NFKBIZ: variants seen among roughly 807,000 people sequenced by gnomAD.
NFKBIZ encodes the protein NF-kappa-B inhibitor zeta.
NFKBIZ carries 19 observed loss-of-function variants against 76.8 expected under a neutral mutation model. The observed-to-expected ratio is 0.25, with a 90% CI of 0.17 to 0.36. The LOEUF is 0.36. Ranked by LOEUF, NFKBIZ falls within the 10% of genes least tolerant of loss-of-function variation. NFKBIZ has a pLI of 1.00. For missense variants in NFKBIZ, 829 were observed against 910.9 expected, an observed-to-expected ratio of 0.91 and a Z score of 1.16; for synonymous variants, 368 against 354.8, an observed-to-expected ratio of 1.04 and a Z score of -0.42.
intron 2 of NFKBIZ, among the ~76,000 whole-genome samples, chr3:101,843,848 C>A (rs1942817545): frequency 6.6e-6 from 1 of 152,196 alleles, no homozygotes; most frequent in Non-Finnish European, 1.5e-5. Context: ...AAAAAAATCA[C>A]ATTTGTTAAT....
intron 2 of NFKBIZ, among the ~76,000 whole-genome samples, chr3:101,835,598 C>T (rs138495270): frequency 1.3e-5 from 2 of 152,282 alleles, no homozygotes; most frequent in Non-Finnish European, 2.9e-5. Flanking sequence ...GTGGCGTTTT[C>T]TCTGTGCATG....
At chr3:101,853,889 T>C in intron 5 of NFKBIZ, 26 bp downstream of exon 5, 1 of 1,596,444 alleles carries the variant, frequency 6.3e-7, no homozygotes, top group African/African-American at 1.3e-5. Context: ...TCTCATGTTC[T>C]TAATTAGGTA....
chr3:101,849,233 GGCGGGA>G (rs1942901814), upstream of NFKBIZ: 1 of 159,600 alleles, frequency 6.3e-6, no homozygotes, highest in Non-Finnish European at 1.4e-5. Context: ...GGAGGCGGGA[GGCGGGA>G]GGCGGGAAGC....
At chr3:101,855,507 TA>T in intron 8 of NFKBIZ, 49 bp downstream of exon 8, 1 of 1,531,872 alleles carries the variant, frequency 6.5e-7, no homozygotes, top group Non-Finnish European at 9.1e-7. Flanking sequence ...GGGGGAACCA[TA>T]AGGTCTAAGG....
intron 2 of NFKBIZ, among the ~76,000 whole-genome samples, chr3:101,836,654 G>T (rs1942724689): frequency 6.6e-6 from 1 of 152,138 alleles, no homozygotes; most frequent in Non-Finnish European, 1.5e-5. Context: ...TAGATTGCTG[G>T]ATATTTCCCT....
chr3:101,845,325 GCT>G (rs1036198430), upstream of NFKBIZ, among the ~76,000 whole-genome samples: 4 of 135,960 alleles, frequency 2.9e-5, no homozygotes, highest in South Asian at 7.2e-4. Flanking sequence ...ACAAGGTCTT[GCT>G]CTGTCACCCA....
rs746465069 is a variant in NFKBIZ at position 101,852,930 on chromosome 3, G to A, written c.505G>A (p.Asp169Asn). The A allele has an allele frequency of 8.7e-6, 14 of 1,614,056 alleles. No individual in the cohort carries two copies. Among genetic ancestry groups the A allele is most frequent in the Admixed American group, 3.3e-5 (2 of 60,014 alleles). ...VSYSGKRKGP[D>N]SLSDGPACKR... is the part of the protein sequence containing the mutation. ...ATACAGTGGGAAAAGGAAAGGGCCC[G>A]ATTCGTTGTCTGATGGACCTGCTTG... The change falls in exon 4 of 12, where the codon GAT becomes AAT. Residue 169 changes from aspartate (D) to asparagine (N), a missense_variant. Asp to Asn is a conservative substitution (Grantham distance 23). Transcript: ENST00000326172.
At chr3:101,854,777 G>C (rs1419445652) in intron 6 of NFKBIZ, 94 bp downstream of exon 6, 1 of 822,132 alleles carries the variant, frequency 1.2e-6, no homozygotes, top group Non-Finnish European at 1.9e-6. Flanking sequence ...TAGAGCTCAA[G>C]ATCAAGAGAG....
At chr3:101,848,744 T>C (rs1224122737), upstream of NFKBIZ, 5 of 152,228 alleles carry the variant, frequency 3.3e-5, no homozygotes, top group African/African-American at 1.2e-4. Flanking sequence ...CCTACATGTT[T>C]GTGTATTATT....
rs374702097 is a variant in NFKBIZ, at chr3:101,853,552, C to T, written c.1026C>T (p.Ser342=). The change falls in exon 5 of 12, where the codon TCC becomes TCT. Residue 342 remains serine, a synonymous_variant. Transcript: ENST00000326172. The stretch of plus-strand genomic sequence containing the variant: ...TTTGCCCAAACCAAAGCTTAGTTTC[C>T]CTTCTTGGTGATCAAAGGGAATCTG... ...SQFCPNQSLV[S]LLGDQRESEN... The T allele has an allele frequency of 1.6e-5, 26 of 1,614,092 alleles. No homozygotes were observed. The highest frequency in any genetic ancestry group is 2.0e-5 in the Non-Finnish European group (24 of 1,180,044).
Position 101,860,965 on chromosome 3 carries a change from G to A in NFKBIZ, c.*1594G>A, listed in dbSNP as rs113339256. The A allele has an allele frequency of 2.0e-5, 3 of 152,102 alleles. No individual in the cohort carries two copies. Among genetic ancestry groups the A allele is most frequent in the Non-Finnish European group, 1.5e-5 (1 of 68,018 alleles). The allele number at this position is 152,102 out of a possible 1,614,324, so 9.4% of individuals were successfully genotyped here. A position where few individuals can be genotyped will look rare whatever the true frequency, so the allele number is the denominator to read the frequency against. On this transcript the variant is annotated 3_prime_UTR_variant, in exon 12 of 12. Coordinates refer to ENST00000326172, the MANE Select transcript of NFKBIZ (RefSeq NM_031419.4). ...TGTATCTCTAAATATGGTGTGATAT[G>A]AACCAGTCCATTCACATTGGAAAAA... is the stretch of plus-strand genomic sequence containing the variant.
In NFKBIZ at chr3:101,852,180, A is replaced by C; in HGVS notation, c.385A>C (p.Ser129Arg). Residue 129 changes from serine to arginine, a missense_variant, in exon 2 of 12, where the codon AGT (serine) becomes CGT (arginine). This residue lies in a region of NFKBIZ where 371 missense variants were observed against 332.3 expected (regional missense o/e 1.12). Coordinates refer to ENST00000326172, the MANE Select transcript of NFKBIZ (RefSeq NM_031419.4). ...GAAGGAACTCCTGTTGCACATCCGA[A>C]GTCATAAACAGAAGGCTTCTGGCCA... ...SVKELLLHIRSHKQKASGQAV... is the reference protein window; with the variant it reads ...SVKELLLHIRRHKQKASGQAV... 1 of 1,614,212 alleles carries C rather than the reference A, an allele frequency of 6.2e-7. No homozygotes were observed. Among genetic ancestry groups the C allele is most frequent in the Non-Finnish European group, 8.5e-7 (1 of 1,180,034 alleles).
At chr3:101,856,112 G>A (rs1263428057) in intron 9 of NFKBIZ, 7 of 325,772 alleles carry the variant, frequency 2.1e-5, no homozygotes, top group African/African-American at 1.3e-4. Context: ...ATGCAGTGGT[G>A]CGATCTTGGC....
chr3:101,849,943 G>A, intron 1 of NFKBIZ, 26 bp downstream of exon 1: 1 of 1,364,610 alleles, frequency 7.3e-7, no homozygotes, highest in Non-Finnish European at 9.4e-7. Context: ...GCACCGCTGC[G>A]TACTCGGGGC....
At chr3:101,831,888 C>A (rs954307710) in intron 2 of NFKBIZ, among the ~76,000 whole-genome samples, 1 of 152,088 alleles carries the variant, frequency 6.6e-6, no homozygotes, top group African/African-American at 2.4e-5. Context: ...GATCCATCTG[C>A]CTCAGCCTCC....
chr3:101,829,879 T>TA (rs368763761), intron 2 of NFKBIZ, among the ~76,000 whole-genome samples: 1 of 150,284 alleles, frequency 6.7e-6, no homozygotes, highest in African/African-American at 2.4e-5. Flanking sequence ...CTAAGATTTT[T>TA]TGTGTGTGTG....
chr3:101,849,736 C>T lies in NFKBIZ; in HGVS notation c.108C>T (p.Tyr36=), dbSNP rs1295575138. ...GCCCGCTCAACCTGAGCTACTTCTA[C>T]GGCGCGTCGCCGCCCGCCGCCGCCC... ...MTSPLNLSYF[Y]GASPPAAAPG... Residue 36 remains tyrosine (Y), a synonymous_variant, in exon 1 of 12, where the codon TAC becomes TAT. Coordinates refer to ENST00000326172, the MANE Select transcript of NFKBIZ (RefSeq NM_031419.4). 1.4e-6 allele frequency: 2 copies of T among 1,448,694 alleles called. No homozygotes were observed. The highest frequency in any genetic ancestry group is 1.8e-6 in the Non-Finnish European group (2 of 1,105,548). 89.7% of individuals were successfully genotyped at this position (1,448,694 alleles called of 1,614,324 possible). A position where few individuals can be genotyped will look rare whatever the true frequency, so the allele number is the denominator to read the frequency against.
Position 101,853,864 on chromosome 3 carries a change from G to A in NFKBIZ, c.1337+1G>A. 6.2e-7 allele frequency: 1 copy of A among 1,610,510 alleles called. No individual in the cohort carries two copies. Reference sequence around the variant, plus strand: ...TTTCAAAGGATGCAGATGGTGACACGTGAGTATTCTTTTATCTCATGTTCT... The same window carrying A: ...TTTCAAAGGATGCAGATGGTGACACATGAGTATTCTTTTATCTCATGTTCT... On this transcript the variant is annotated splice_donor_variant, in intron 5 of 11. Coordinates refer to ENST00000326172, the MANE Select transcript of NFKBIZ (RefSeq NM_031419.4). LOFTEE classifies it high-confidence loss of function.
chr3:101,853,658 C>G lies in NFKBIZ; in HGVS notation c.1132C>G (p.Pro378Ala). 6.2e-7 allele frequency: 1 copy of G among 1,614,260 alleles called. No individual in the cohort carries two copies. Among genetic ancestry groups the G allele is most frequent in the Non-Finnish European group, 8.5e-7 (1 of 1,180,044 alleles). Residue 378 changes from proline (P) to alanine (A), a missense_variant, in exon 5 of 12, where the codon CCC becomes GCC. By Grantham distance (27) the Pro-to-Ala change is conservative. Around this residue, in one of 4 missense-constraint regions of NFKBIZ, gnomAD observed 371 missense variants for 332.3 expected, o/e 1.12. Coordinates refer to ENST00000326172, the MANE Select transcript of NFKBIZ (RefSeq NM_031419.4). ...TCACTTGCACAGCTTCAGCATGATG[C>G]CCAGCAGCGCCTGTGAGGCCATGGT... Reference protein sequence around the residue: ...DAHLHSFSMMPSSACEAMVGH... With the variant: ...DAHLHSFSMMASSACEAMVGH...
Sources: allele counts gnomAD v4.1 joint callset (sites outside exome capture counted in the v4.1 genomes callset), GRCh38; gene constraint gnomAD v4.1.1; regional missense constraint gnomAD v4.1.1; transcripts MANE v1.5; gene names NCBI Gene and HGNC (gene_info 2026-07-23, HGNC 2026-07-21).